Variants in SOX6 observed in about 807,000 individuals in gnomAD.
The protein encoded by SOX6 is SRY-box transcription factor 6.
In SOX6, 11 loss-of-function variants were observed where a neutral mutation model predicts 97.8. The ratio of observed to expected loss-of-function variants is 0.11; its 90% CI spans 0.07 to 0.19. The LOEUF (loss-of-function observed/expected upper bound fraction) is 0.19. SOX6 is among the 10% of genes least tolerant of loss of function. The pLI is 1.00. For synonymous variants in SOX6, 360 were observed against 371.4 expected (o/e 0.97, Z 0.35); for missense variants, 810 against 1,039.5 (o/e 0.78, Z 3.04).
chr11:16,149,428 C>T (rs926499813), intron 6 of SOX6, among the ~76,000 whole-genome samples: 1 of 152,032 alleles, frequency 6.6e-6, no homozygotes. Context: ...CTTTTCAGTA[C>T]ATTCCAGGAA....
chr11:16,196,244 C>A (rs1851770403), intron 4 of SOX6, among the ~76,000 whole-genome samples: 1 of 152,134 alleles, frequency 6.6e-6, no homozygotes, highest in South Asian at 2.1e-4. Flanking sequence ...CTGAAGCATG[C>A]AAAAGTAACG....
upstream of SOX6, among the ~76,000 whole-genome samples, chr11:16,358,411 C>A (rs926832567): frequency 1.3e-5 from 2 of 151,994 alleles, no homozygotes; most frequent in African/African-American, 4.8e-5. Flanking sequence ...ATAGTTCTAC[C>A]AACAGGAAAG....
chr11:16,616,452 T>C (rs1357975814), intron 3 of SOX6, among the ~76,000 whole-genome samples: 1 of 152,100 alleles, frequency 6.6e-6, no homozygotes, highest in Non-Finnish European at 1.5e-5. Context: ...TACTATTTTT[T>C]AAATTTCTAA....
At chr11:16,116,357 G>T (rs1476528605) in intron 6 of SOX6, among the ~76,000 whole-genome samples, 2 of 152,082 alleles carry the variant, frequency 1.3e-5, no homozygotes, top group Admixed American at 6.5e-5. Flanking sequence ...AAAACCATGT[G>T]AGGTTAAGTA....
At chr11:16,015,686 C>T (rs1204817079) in intron 12 of SOX6, among the ~76,000 whole-genome samples, 1 of 152,002 alleles carries the variant, frequency 6.6e-6, no homozygotes, top group Non-Finnish European at 1.5e-5. Context: ...AGATGTTTTA[C>T]TTGTTCACCA....
chr11:16,072,422 A>C (rs916097614), intron 9 of SOX6, among the ~76,000 whole-genome samples: 1 of 152,182 alleles, frequency 6.6e-6, no homozygotes, highest in African/African-American at 2.4e-5. Context: ...AGAATGAATG[A>C]AACCTCCAAG....
At chr11:16,484,659 A>T in intron 4 of SOX6, 1 of 635,992 alleles carries the variant, frequency 1.6e-6, no homozygotes, top group Non-Finnish European at 2.9e-6. Context: ...CTGAGCACGA[A>T]GTGGCTGGCC....
chr11:16,145,005 C>A (rs1468377700), intron 6 of SOX6, among the ~76,000 whole-genome samples: 5 of 152,300 alleles, frequency 3.3e-5, no homozygotes, highest in South Asian at 4.2e-4. Context: ...TTTTATGAGG[C>A]CAGCATCATC....
intron 3 of SOX6, among the ~76,000 whole-genome samples, chr11:16,639,089 G>C (rs1330271736): frequency 2.0e-5 from 3 of 151,942 alleles, no homozygotes; most frequent in Non-Finnish European, 4.4e-5. Context: ...CTTAATTTTT[G>C]TATAAGGTGT....
chr11:16,414,126 T>C (rs988016660), intron 1 of SOX6, among the ~76,000 whole-genome samples: 1 of 152,200 alleles, frequency 6.6e-6, no homozygotes, highest in African/African-American at 2.4e-5. Context: ...AAACATGTCA[T>C]AGTCCCCACT....
At chr11:16,158,337 C>T (rs1464244283) in intron 6 of SOX6, among the ~76,000 whole-genome samples, 1 of 151,906 alleles carries the variant, frequency 6.6e-6, no homozygotes, top group Admixed American at 6.6e-5. Context: ...TTGTGGCTTT[C>T]GTAGGGTATG....
intron 4 of SOX6, among the ~76,000 whole-genome samples, chr11:16,222,774 A>G (rs1201528873): frequency 6.6e-6 from 1 of 152,084 alleles, no homozygotes; most frequent in Non-Finnish European, 1.5e-5. Context: ...TCCCTACTTC[A>G]TGCCACCCTA....
At chr11:16,150,827 C>G (rs1186875700) in intron 6 of SOX6, among the ~76,000 whole-genome samples, 1 of 152,146 alleles carries the variant, frequency 6.6e-6, no homozygotes. Flanking sequence ...AGCATTTCTT[C>G]TAGCTCCTGA....
intron 1 of SOX6, among the ~76,000 whole-genome samples, chr11:16,363,483 T>C (rs898417575): frequency 2.0e-5 from 3 of 152,126 alleles, no homozygotes; most frequent in Admixed American, 6.6e-5. Flanking sequence ...ACTCTTCTGA[T>C]CCCAAGCATT....
chr11:16,208,165 AAAAT>A (rs1236991049), intron 4 of SOX6, among the ~76,000 whole-genome samples: 1 of 152,196 alleles, frequency 6.6e-6, no homozygotes, highest in Non-Finnish European at 1.5e-5. Context: ...AGACTTTTTA[AAAAT>A]AAATAAACAT....
At chr11:16,464,704 A>G (rs1464021459) in intron 1 of SOX6, among the ~76,000 whole-genome samples, 3 of 152,174 alleles carry the variant, frequency 2.0e-5, no homozygotes, top group Non-Finnish European at 2.9e-5. Context: ...AAGGTCTCCA[A>G]TATACAATAT....
At chr11:16,331,517 AC>A (rs1348112965) in intron 2 of SOX6, among the ~76,000 whole-genome samples, 2 of 152,192 alleles carry the variant, frequency 1.3e-5, no homozygotes, top group Non-Finnish European at 2.9e-5. Context: ...CACTGAAAGA[AC>A]CTTCAAATTT....
chr11:16,182,489 C>G (rs1590004510), intron 6 of SOX6, among the ~76,000 whole-genome samples: 3 of 151,660 alleles, frequency 2.0e-5, no homozygotes, highest in Non-Finnish European at 4.4e-5. Context: ...AAGGGCAGAA[C>G]AAGGGAACAC....
At chr11:16,534,843 AT>A (rs1861284273) in intron 4 of SOX6, among the ~76,000 whole-genome samples, 2 of 152,314 alleles carry the variant, frequency 1.3e-5, no homozygotes, top group South Asian at 4.1e-4. Context: ...TGGAGCCTTG[AT>A]GCCATATCCT....
Sources: gnomAD v4.1 joint callset for allele counts (sites outside exome capture counted in the v4.1 genomes callset) on GRCh38, gnomAD v4.1.1 for gene constraint, MANE v1.5 for transcripts, NCBI Gene and HGNC (gene_info 2026-07-23, HGNC 2026-07-21) for gene names.